Variants in ACSBG2 observed in about 807,000 individuals in gnomAD.
The protein encoded by ACSBG2 is acyl-CoA synthetase bubblegum family member 2, also known as long-chain-fatty-acid--CoA ligase ACSBG2.
In ACSBG2, 62 loss-of-function variants were observed where a neutral mutation model predicts 74.7. The ratio of observed to expected loss-of-function variants is 0.83; its 90% CI spans 0.68 to 1.03. The LOEUF is 1.03. ACSBG2 is among the 50% of genes least tolerant of loss of function. The probability of loss-of-function intolerance (pLI) is 0.00; values close to 1 mark genes in which losing one functional copy is unlikely to be tolerated. For synonymous variants in ACSBG2, 309 were observed against 294.1 expected (o/e 1.05, Z -0.52); for missense variants, 730 against 817.6 (o/e 0.89, Z 1.31).
chr19:6,155,808 A>AT (rs1555691994), intron 4 of ACSBG2, among the ~76,000 whole-genome samples: 1 of 148,082 alleles, frequency 6.8e-6, no homozygotes, highest in Admixed American at 6.7e-5. Flanking sequence ...AAAAAAAAAA[A>AT]TGGTGAACAG....
intron 14 of ACSBG2, chr19:6,190,915 T>A (rs1352129751): frequency 2.6e-6 from 1 of 384,402 alleles, no homozygotes; most frequent in East Asian, 4.6e-5. Context: ...TCTACCAGGG[T>A]CATGGTAGGG....
chr19:6,182,725 G>A (rs865778112), intron 8 of ACSBG2, 26 bp from the exon 9 acceptor site: 3 of 1,608,406 alleles, frequency 1.9e-6, no homozygotes, highest in African/African-American at 1.3e-5. Flanking sequence ...GCCCTGCTGT[G>A]GCTAACCTAG....
In ACSBG2 at chr19:6,167,524, C is replaced by A. The variant is rs189306993; in HGVS notation, c.738+1509C>A. Among the ~76,000 whole-genome samples the A allele has an allele frequency of 3.0e-4, 46 of 152,334 alleles. No homozygotes were observed. In the East Asian group the frequency reaches 7.7e-3, roughly 26 times the overall value. On this transcript the variant is annotated intron_variant, in intron 7 of 14. Transcript: ENST00000588485. ...TAGATCCACACCCTGGAAATCTTCT[C>A]TGAATTTCTCATTTTAACATGAATC...
Position 6,167,881 on chromosome 19 carries a change from A to G in ACSBG2, c.738+1866A>G, listed in dbSNP as rs562034561. Among the ~76,000 whole-genome samples the G allele has an allele frequency of 3.3e-5, 5 of 152,262 alleles. No homozygotes were observed. The East Asian group carries it at 9.6e-4, about 29-fold the overall frequency. On this transcript the variant is annotated intron_variant, in intron 7 of 14. Transcript: ENST00000588485. ...ATTGTATGATGCATGATAGAGAAAAATTATTTTTGGCCCAGTCTCCATCAT... is the reference window on the plus strand; with the variant it reads ...ATTGTATGATGCATGATAGAGAAAAGTTATTTTTGGCCCAGTCTCCATCAT...
intron 7 of ACSBG2, among the ~76,000 whole-genome samples, chr19:6,170,367 T>C (rs2089932050): frequency 6.6e-6 from 1 of 152,238 alleles, no homozygotes; most frequent in Non-Finnish European, 1.5e-5. Context: ...ATTCTGTGTA[T>C]GTGATGAATC....
At chr19:6,137,199 G>T (rs1227480297) in intron 1 of ACSBG2, 1 of 147,632 alleles carries the variant, frequency 6.8e-6, no homozygotes, top group African/African-American at 2.6e-5. Flanking sequence ...GGAGGCCGAG[G>T]TGGCGGGGTT....
intron 1 of ACSBG2, among the ~76,000 whole-genome samples, chr19:6,136,426 C>T (rs2088571704): frequency 6.6e-6 from 1 of 151,686 alleles, no homozygotes; most frequent in African/African-American, 2.4e-5. Flanking sequence ...TGGGGTTTCG[C>T]CATACCAGCC....
chr19:6,177,073 AT>A (rs1431070734), intron 7 of ACSBG2, among the ~76,000 whole-genome samples, 155 bp from the exon 8 acceptor site: 8 of 152,038 alleles, frequency 5.3e-5, no homozygotes, highest in African/African-American at 1.7e-4. Flanking sequence ...AGATGGGAAG[AT>A]TCCTTGAACC....
chr19:6,183,316 G>C, intron 10 of ACSBG2, 44 bp downstream of exon 10: 2 of 1,557,744 alleles, frequency 1.3e-6, no homozygotes, highest in Non-Finnish European at 1.8e-6. Flanking sequence ...CATAACATGG[G>C]GTCAAGAGGG....
Position 6,187,028 on chromosome 19 carries a change from G to T in ACSBG2, c.1541-255G>T, listed in dbSNP as rs182033704. Among the ~76,000 whole-genome samples, 747 of 143,692 alleles carry T rather than the reference G, an allele frequency of 5.2e-3. 5 individuals carry two copies. Among genetic ancestry groups the T allele is most frequent in the East Asian group, 0.011 (55 of 5,026 alleles). The allele number at this position is 143,692 out of a possible 152,430, so 94.3% of individuals were successfully genotyped here. On this transcript the variant is annotated intron_variant, in intron 11 of 14. Transcript: ENST00000588485. ...TTTTTTTTTTTTTTTTTTTGAGATG[G>T]TGTTTCACTCTTGTTGCCCAGGTTG...
Position 6,156,384 on chromosome 19 carries a change from T to C in ACSBG2, c.387-47T>C, listed in dbSNP as rs1490074833. On this transcript the variant is annotated intron_variant, in intron 4 of 14. Transcript: ENST00000588485. ...TTTTGACCTTCCAGACCATTCTGCC[T>C]TTAAGGTGTGTGTGGATGCACACAC... 3 of 1,547,004 alleles carry C rather than the reference T, an allele frequency of 1.9e-6. No homozygotes were observed. The African/African-American group carries it at 4.2e-5, about 22-fold the overall frequency.
At chr19:6,156,343 G>A (rs1302944237) in intron 4 of ACSBG2, 88 bp from the exon 5 acceptor site, 6 of 1,436,520 alleles carry the variant, frequency 4.2e-6, no homozygotes, top group Non-Finnish European at 5.5e-6. Context: ...GAACTTGCCT[G>A]CAAACCTTTC....
At position 6,180,627 on chromosome 19, in the gene ACSBG2, A is replaced by G. The variant is rs935476959; in HGVS notation, c.907-2124A>G. Reference sequence around the variant, plus strand: ...ATCTGAATAGTGACAAAAGTGTCTTAATATTTTCAGAAATTTCCAGATTGT... The same window carrying G: ...ATCTGAATAGTGACAAAAGTGTCTTGATATTTTCAGAAATTTCCAGATTGT... On this transcript the variant is annotated intron_variant, in intron 8 of 14. Coordinates refer to ENST00000588485, the MANE Select transcript of ACSBG2 (RefSeq NM_030924.5). This position sits in a 1 kb window ranked among gnomAD's most constrained non-coding sequence, Gnocchi z 4.3. Among the ~76,000 whole-genome samples the G allele has an allele frequency of 2.6e-5, 4 of 152,222 alleles. No individual in the cohort carries two copies. The highest frequency in any genetic ancestry group is 9.7e-5 in the African/African-American group (4 of 41,450).
At chr19:6,172,353 C>A (rs903209798) in intron 7 of ACSBG2, among the ~76,000 whole-genome samples, 2 of 152,044 alleles carry the variant, frequency 1.3e-5, no homozygotes, top group African/African-American at 4.8e-5. Flanking sequence ...TTGGATGGGG[C>A]TTTTGTATTT....
intron 10 of ACSBG2, among the ~76,000 whole-genome samples, chr19:6,184,233 C>A (rs937187927): frequency 3.3e-5 from 5 of 152,102 alleles, no homozygotes; most frequent in African/African-American, 1.2e-4. Flanking sequence ...GGAAAATCAG[C>A]CCTTTGTCTT....
At chr19:6,177,896 GTGTGT>G (rs2090132590) in intron 8 of ACSBG2, among the ~76,000 whole-genome samples, 1 of 151,592 alleles carries the variant, frequency 6.6e-6, no homozygotes, top group Non-Finnish European at 1.5e-5. Flanking sequence ...GTGTGTGTGT[GTGTGT>G]GTGTGTGTGT....
At position 6,161,446 on chromosome 19, in the gene ACSBG2, A is replaced by C; in HGVS notation, c.588+151A>C. ...GGAAGTAGGTGGGGACTCTCAAAGG[A>C]AGTGAAAGGTGAGGAAAGGAAGTGG... On this transcript the variant is annotated intron_variant, in intron 6 of 14. Coordinates refer to ENST00000588485, the MANE Select transcript of ACSBG2 (RefSeq NM_030924.5). The C allele has an allele frequency of 7.8e-6, 5 of 643,514 alleles. No homozygotes were observed. The South Asian group carries it at 8.0e-5, about 10-fold the overall frequency. The allele number at this position is 643,514 out of a possible 1,614,324, so 39.9% of individuals were successfully genotyped here.
At chr19:6,136,708 T>C (rs1568210905) in intron 1 of ACSBG2, among the ~76,000 whole-genome samples, 2 of 152,152 alleles carry the variant, frequency 1.3e-5, no homozygotes, top group Non-Finnish European at 2.9e-5. Context: ...GCATATAAAA[T>C]AACACAAAGC....
intron 4 of ACSBG2, among the ~76,000 whole-genome samples, chr19:6,155,349 A>G (rs868359713): frequency 6.6e-6 from 1 of 152,236 alleles, no homozygotes; most frequent in Admixed American, 6.5e-5. Flanking sequence ...AAGCTTCTAG[A>G]AAAAGAAAAG....
Sources: allele counts gnomAD v4.1 joint callset (sites outside exome capture counted in the v4.1 genomes callset), GRCh38; gene constraint gnomAD v4.1.1; non-coding constraint Gnocchi (gnomAD v3.1); transcripts MANE v1.5; gene names NCBI Gene and HGNC (gene_info 2026-07-23, HGNC 2026-07-21).